The following PAPSS2 variants were observed in gnomAD, a reference collection of about 807,000 sequenced individuals.
PAPSS2 encodes 3'-phosphoadenosine 5'-phosphosulfate synthase 2, also known as bifunctional 3'-phosphoadenosine 5'-phosphosulfate synthase 2.
PAPSS2 carries 61 observed loss-of-function variants against 66.5 expected under a neutral mutation model. The ratio of observed to expected loss-of-function variants is 0.92; its 90% confidence interval spans 0.75 to 1.14. The LOEUF (loss-of-function observed/expected upper bound fraction) is 1.14. Ranked by LOEUF, PAPSS2 falls within the 50% of genes most tolerant of loss-of-function variation. PAPSS2 has a pLI of 0.00. For missense variants in PAPSS2, 708 were observed against 789.6 expected (o/e 0.90, Z 1.24); for synonymous variants, 289 against 287.5 (o/e 1.01, Z -0.05).
intron 1 of PAPSS2, among the ~76,000 whole-genome samples, chr10:87,704,464 T>C (rs900194920): frequency 2.0e-5 from 3 of 152,208 alleles, no homozygotes; most frequent in African/African-American, 4.8e-5. Context: ...GAAACAAAAC[T>C]GTCTCTATAG....
At chr10:87,715,624 G>A in intron 6 of PAPSS2, 108 bp from the exon 7 acceptor site, 1 of 734,904 alleles carries the variant, frequency 1.4e-6, no homozygotes, top group Non-Finnish European at 2.5e-6. Context: ...AACATAGAAG[G>A]TTCTGCCCTC....
At chr10:87,701,226 T>C (rs936863854) in intron 1 of PAPSS2, among the ~76,000 whole-genome samples, 15 of 128,144 alleles carry the variant, frequency 1.2e-4, no homozygotes, top group Non-Finnish European at 1.9e-4. Context: ...ATTTATATAA[T>C]AATTTTCTTT....
intron 12 of PAPSS2, 29 bp from the exon 13 acceptor site, chr10:87,745,803 C>A (rs201231515): frequency 1.9e-6 from 3 of 1,613,280 alleles, no homozygotes; most frequent in Non-Finnish European, 2.5e-6. Flanking sequence ...TTTACCTACA[C>A]TGAGTTCTTT....
chr10:87,673,065 A>G (rs1441740439), intron 1 of PAPSS2, among the ~76,000 whole-genome samples: 1 of 152,132 alleles, frequency 6.6e-6, no homozygotes, highest in Non-Finnish European at 1.5e-5. Flanking sequence ...CTCCTGTTAT[A>G]TATAGTGGGG....
intron 1 of PAPSS2, among the ~76,000 whole-genome samples, chr10:87,702,379 C>G (rs903059531): frequency 1.3e-5 from 2 of 152,200 alleles, no homozygotes; most frequent in Admixed American, 1.3e-4. Flanking sequence ...AAATGGATCA[C>G]AATGCTCAGT....
intron 1 of PAPSS2, among the ~76,000 whole-genome samples, chr10:87,671,480 G>A (rs79607291): frequency 6.6e-5 from 10 of 152,288 alleles, no homozygotes; most frequent in Non-Finnish European, 1.5e-4. Flanking sequence ...AGAATACAAG[G>A]CTTCAGTGTT....
At chr10:87,698,177 G>A (rs1377998997) in intron 1 of PAPSS2, among the ~76,000 whole-genome samples, 1 of 152,104 alleles carries the variant, frequency 6.6e-6, no homozygotes, top group African/African-American at 2.4e-5. Flanking sequence ...TTAGTCTGTG[G>A]TTTATTTCCT....
chr10:87,734,766 C>T (rs1018811022), intron 9 of PAPSS2, among the ~76,000 whole-genome samples: 2 of 141,868 alleles, frequency 1.4e-5, no homozygotes, highest in Admixed American at 1.5e-4. Context: ...TTCTCTGCAC[C>T]CTTTCATCAT....
intron 1 of PAPSS2, among the ~76,000 whole-genome samples, chr10:87,707,564 C>CTTTTTTTTTTTTTTTT (rs747152482): frequency 6.4e-5 from 6 of 93,992 alleles, no homozygotes; most frequent in Non-Finnish European, 1.0e-4. Flanking sequence ...TCTTTTTTTT[C>CTTTTTTTTTTTTTTTT]TTTTTTTTTT....
chr10:87,741,429 C>T, intron 10 of PAPSS2, 59 bp downstream of exon 10: 2 of 1,461,500 alleles, frequency 1.4e-6, no homozygotes, highest in South Asian at 2.3e-5. Context: ...GTGTCTTGTT[C>T]TGTCACCCAG....
chr10:87,688,388 A>G (rs992514632), intron 1 of PAPSS2, among the ~76,000 whole-genome samples: 1 of 151,526 alleles, frequency 6.6e-6, no homozygotes, highest in Non-Finnish European at 1.5e-5. Flanking sequence ...GACATTATGT[A>G]TTCTCTTTCT....
chr10:87,729,633 T>G (rs1306409021), intron 9 of PAPSS2, among the ~76,000 whole-genome samples: 2 of 152,114 alleles, frequency 1.3e-5, no homozygotes, highest in African/African-American at 2.4e-5. Context: ...AGTGTTCAGG[T>G]GAAAGGAAGA....
Position 87,714,162 on chromosome 10 carries a change from C to T in PAPSS2, c.500C>T (p.Ala167Val). 6.2e-7 allele frequency: 1 copy of T among 1,613,534 alleles called. No homozygotes were observed. Among genetic ancestry groups the T allele is most frequent in the South Asian group, 1.1e-5 (1 of 91,072 alleles). The change falls in exon 4 of 13, where the codon GCC becomes GTC. Residue 167 changes from alanine to valine, a missense_variant. Ala to Val is a moderately conservative substitution (Grantham distance 64). Transcript: ENST00000456849. ...GACGTAAAAGGCCTCTATAAAAGGG[C>T]CAGAGCTGGGGAGATTAAAGGTAAG... is the stretch of plus-strand genomic sequence containing the variant. ...SRDVKGLYKR[A>V]RAGEIKGFTG...
At chr10:87,694,581 A>G (rs1853209399) in intron 1 of PAPSS2, among the ~76,000 whole-genome samples, 1 of 152,214 alleles carries the variant, frequency 6.6e-6, no homozygotes, top group African/African-American at 2.4e-5. Context: ...TGTGTCCAGG[A>G]AATCATAAAC....
Position 87,738,070 on chromosome 10 carries a change from G to T in PAPSS2, c.1087-3165G>T, listed in dbSNP as rs530505395. Among the ~76,000 whole-genome samples the T allele has an allele frequency of 1.1e-4, 16 of 152,308 alleles. No individual in the cohort carries two copies. In the South Asian group the frequency reaches 3.3e-3, roughly 32 times the overall value. ...CAGGATTTCCTTCCTTTTAAAGGAT[G>T]AATGATCTTCCCTTGTATGTGTATA... On this transcript the variant is annotated intron_variant, in intron 9 of 12. Coordinates refer to ENST00000456849, the MANE Select transcript of PAPSS2 (RefSeq NM_001015880.2).
Position 87,713,312 on chromosome 10 carries a change from T to TTTAAA in PAPSS2, c.381+2_381+3insTTAAA. The TTTAAA allele has an allele frequency of 3.5e-6, 2 of 573,440 alleles. No individual in the cohort carries two copies. The highest frequency in any genetic ancestry group is 5.2e-6 in the Non-Finnish European group (2 of 382,484). 35.5% of individuals were successfully genotyped at this position (573,440 alleles called of 1,614,324 possible). ...AGCTTTATTTCTCCATTCGCAAAGG[T>TTTAAA]AAAAAAAAAAAAAAAAAAAAAAGGC... On this transcript the variant is annotated splice_region_variant and intron_variant, in intron 3 of 12. Transcript: ENST00000456849.
At chr10:87,720,367 G>A (rs1354420144) in intron 7 of PAPSS2, among the ~76,000 whole-genome samples, 1 of 152,168 alleles carries the variant, frequency 6.6e-6, no homozygotes, top group African/African-American at 2.4e-5. Flanking sequence ...CAGCAACAGA[G>A]GCTCCTGACA....
chr10:87,709,278 G>A lies in PAPSS2; in HGVS notation c.110G>A (p.Arg37Lys). Reference sequence around the variant, plus strand: ...AAGAGAGGGCAAGTGGTTGGAACAAGGGGTGGGTTCCGAGGATGTACCGTG... The same window carrying A: ...AAGAGAGGGCAAGTGGTTGGAACAAAGGGTGGGTTCCGAGGATGTACCGTG... ...RNKRGQVVGT[R>K]GGFRGCTVWL... Residue 37 changes from arginine (R) to lysine (K), a missense_variant, in exon 2 of 13, where the codon AGG (arginine) becomes AAG (lysine). Coordinates refer to ENST00000456849, the MANE Select transcript of PAPSS2 (RefSeq NM_001015880.2). The A allele has an allele frequency of 6.2e-7, 1 of 1,612,734 alleles. No individual in the cohort carries two copies. Among genetic ancestry groups the A allele is most frequent in the Non-Finnish European group, 8.5e-7 (1 of 1,178,936 alleles).
intron 9 of PAPSS2, 91 bp from the exon 10 acceptor site, chr10:87,741,144 G>A: frequency 3.0e-6 from 4 of 1,334,860 alleles, no homozygotes; most frequent in Middle Eastern, 1.8e-4. Context: ...TTCTTTAACT[G>A]TAACCCGAGA....
Sources: allele counts gnomAD v4.1 joint callset (sites outside exome capture counted in the v4.1 genomes callset), GRCh38; gene constraint gnomAD v4.1.1; transcripts MANE v1.5; gene names NCBI Gene and HGNC (gene_info 2026-07-23, HGNC 2026-07-21).